Variants in CACNA2D4 observed in about 807,000 individuals in gnomAD.
CACNA2D4 encodes the protein calcium voltage-gated channel auxiliary subunit alpha2delta 4.
Under a neutral mutation model 163.8 loss-of-function variants are expected in CACNA2D4, and 157 were observed. The observed-to-expected ratio is 0.96, with a 90% CI of 0.84 to 1.09. The LOEUF (loss-of-function observed/expected upper bound fraction) is 1.09. CACNA2D4 is among the 50% of genes least tolerant of loss of function. The pLI, the probability that CACNA2D4 is intolerant of heterozygous loss-of-function variation, is 0.00. For missense variants in CACNA2D4, 1,410 were observed against 1,479.9 expected, an observed-to-expected ratio of 0.95 and a Z score of 0.78; for synonymous variants, 598 against 586.9, an observed-to-expected ratio of 1.02 and a Z score of -0.27.
chr12:1,859,290 T>C (rs1865472197), intron 19 of CACNA2D4, among the ~76,000 whole-genome samples: 2 of 151,246 alleles, frequency 1.3e-5, no homozygotes, highest in Admixed American at 1.3e-4. Context: ...GCCCGGGAGG[T>C]GGAGGCTGTA....
chr12:1,889,087 T>C (rs990237871), intron 6 of CACNA2D4, among the ~76,000 whole-genome samples: 1 of 152,310 alleles, frequency 6.6e-6, no homozygotes. Context: ...TTTTAAGATG[T>C]TGAGAGAATA....
intron 19 of CACNA2D4, among the ~76,000 whole-genome samples, chr12:1,859,164 C>A (rs903185166): frequency 2.4e-4 from 37 of 152,148 alleles, no homozygotes; most frequent in Non-Finnish European, 4.4e-5. Flanking sequence ...GCCTGGGCAA[C>A]ACAGCGAGAC....
intron 31 of CACNA2D4, 135 bp from the exon 32 acceptor site, chr12:1,800,573 A>T: frequency 1.2e-6 from 1 of 830,822 alleles, no homozygotes; most frequent in East Asian, 2.7e-5. Flanking sequence ...AGCAGAGCAC[A>T]GGCCAGCAGC....
chr12:1,898,901 A>G (rs2154450799), intron 6 of CACNA2D4, among the ~76,000 whole-genome samples: 1 of 152,300 alleles, frequency 6.6e-6, no homozygotes, highest in East Asian at 1.9e-4. Flanking sequence ...AGATTGGCAT[A>G]GAATGAGGGT....
chr12:1,818,262 G>C (rs1250446118), intron 26 of CACNA2D4, among the ~76,000 whole-genome samples: 2 of 151,846 alleles, frequency 1.3e-5, no homozygotes, highest in African/African-American at 4.9e-5. Flanking sequence ...CACCCAGTCT[G>C]GGAGGTGTGC....
At position 1,805,041 on chromosome 12, in the gene CACNA2D4, C is replaced by T. The variant is rs531785826; in HGVS notation, c.2722-3397G>A. On this transcript the variant is annotated intron_variant, in intron 29 of 37. Coordinates refer to ENST00000382722, the MANE Select transcript of CACNA2D4 (RefSeq NM_172364.5). ...CCTTGTCGATTTAGGAGCCCCAGACCGCCCGTGGAGTGGCACCCAAAGCAT... is the reference window on the plus strand; with the variant it reads ...CCTTGTCGATTTAGGAGCCCCAGACTGCCCGTGGAGTGGCACCCAAAGCAT... Among the ~76,000 whole-genome samples the T allele has an allele frequency of 4.8e-4, 73 of 152,312 alleles. 1 individual carries two copies. Among genetic ancestry groups the T allele is most frequent in the Admixed American group, 3.7e-3 (56 of 15,298 alleles).
chr12:1,834,300 C>A lies in CACNA2D4; in HGVS notation c.2551+6439G>T, dbSNP rs771015261. 1 of 1,601,886 alleles carries A rather than the reference C, an allele frequency of 6.2e-7. No individual in the cohort carries two copies. The highest frequency in any genetic ancestry group is 1.7e-5 in the Admixed American group (1 of 59,338). ...TTGGACCAGCTTGCCTGCACCCTGC[C>A]CAAGGAGCTGAGGGGGAAGGACATG... On this transcript the variant is annotated intron_variant, in intron 26 of 37. Coordinates refer to ENST00000382722, the MANE Select transcript of CACNA2D4 (RefSeq NM_172364.5). The surrounding 1 kb of genome is among the most constrained non-coding windows in gnomAD (Gnocchi z 7.6).
Position 1,840,780 on chromosome 12 carries a change from G to A in CACNA2D4, c.2510C>T (p.Ala837Val), listed in dbSNP as rs771066603. 2 of 1,613,946 alleles carry A rather than the reference G, an allele frequency of 1.2e-6. No homozygotes were observed. The highest frequency in any genetic ancestry group is 4.5e-5 in the East Asian group (2 of 44,888). ...CCTCTTGTCCACGGTCACCGCCACA[G>A]CTGTGCTTGCCGTCACCACCATGGG... ...GEPMVVTAST[A>V]VAVTVDKRTA... Residue 837 changes from alanine to valine, a missense_variant, in exon 26 of 38, where the codon GCT (alanine) becomes GTT (valine). Coordinates refer to ENST00000382722, the MANE Select transcript of CACNA2D4 (RefSeq NM_172364.5).
chr12:1,914,791 G>T (rs1029304971), intron 2 of CACNA2D4, 63 bp downstream of exon 2: 39 of 1,115,974 alleles, frequency 3.5e-5, no homozygotes, highest in Admixed American at 1.2e-4. Flanking sequence ...ACCGGCATTT[G>T]GGGGCTTCGA....
chr12:1,908,128 G>C (rs981866923), intron 4 of CACNA2D4, 91 bp from the exon 5 acceptor site: 17 of 1,343,808 alleles, frequency 1.3e-5, no homozygotes, highest in Non-Finnish European at 1.7e-5. Flanking sequence ...GAGAGGACGA[G>C]AGGGCCGGGG....
rs1863533125 is a variant in CACNA2D4, at chr12:1,806,212, A to T, written c.2721+4066T>A. On this transcript the variant is annotated intron_variant, in intron 29 of 37. Coordinates refer to ENST00000382722, the MANE Select transcript of CACNA2D4 (RefSeq NM_172364.5). The surrounding 1 kb of genome is among the most constrained non-coding windows in gnomAD (Gnocchi z 4.1). The stretch of plus-strand genomic sequence containing the variant: ...AATCGGAGTCCCCAGATTCAGGGTG[A>T]CAGATCCACTATAAATATTACAAAG... 6.6e-6 allele frequency among the ~76,000 whole-genome samples: 1 copy of T among 152,182 alleles called. No individual in the cohort carries two copies. Among genetic ancestry groups the T allele is most frequent in the Non-Finnish European group, 1.5e-5 (1 of 68,024 alleles).
chr12:1,900,309 A>T (rs1033360670), intron 6 of CACNA2D4, among the ~76,000 whole-genome samples: 1 of 152,094 alleles, frequency 6.6e-6, no homozygotes, highest in Admixed American at 6.6e-5. Flanking sequence ...TTTTTAAAAA[A>T]TTTTTGGTGG....
chr12:1,891,297 C>A (rs1335002435), intron 6 of CACNA2D4, among the ~76,000 whole-genome samples: 1 of 152,226 alleles, frequency 6.6e-6, no homozygotes, highest in Non-Finnish European at 1.5e-5. Flanking sequence ...CCCTAAGCCA[C>A]TGAGGAAATC....
At chr12:1,815,172 G>C (rs536652102) in intron 26 of CACNA2D4, among the ~76,000 whole-genome samples, 2 of 152,206 alleles carry the variant, frequency 1.3e-5, no homozygotes, top group South Asian at 4.1e-4. Flanking sequence ...GACTACAGGC[G>C]TGAGTCATTA....
intron 3 of CACNA2D4, among the ~76,000 whole-genome samples, chr12:1,911,512 C>T (rs1185126109): frequency 6.6e-6 from 1 of 152,084 alleles, no homozygotes; most frequent in Non-Finnish European, 1.5e-5. Context: ...TCCCCACTCT[C>T]AGCCTACAGA....
Position 1,798,068 on chromosome 12 carries a change from C to CA in CACNA2D4, c.2996-534dup, listed in dbSNP as rs1241140467. On this transcript the variant is annotated intron_variant, in intron 34 of 37. Coordinates refer to ENST00000382722, the MANE Select transcript of CACNA2D4 (RefSeq NM_172364.5). This position sits in a 1 kb window ranked among gnomAD's most constrained non-coding sequence, Gnocchi z 4.3. Reference sequence around the variant, plus strand: ...TGGGGGCAGCCGGGCAGGTGGGCTCCAGGCCTGGGGCTGCGGAAGCCCAGA... The same window carrying CA: ...TGGGGGCAGCCGGGCAGGTGGGCTCCAAGGCCTGGGGCTGCGGAAGCCCAGA... Among the ~76,000 whole-genome samples the CA allele has an allele frequency of 6.6e-6, 1 of 152,346 alleles. No homozygotes were observed. Among genetic ancestry groups the CA allele is most frequent in the African/African-American group, 2.4e-5 (1 of 41,586 alleles).
rs1863710361 is a variant in CACNA2D4, at chr12:1,811,553, T to C, written c.2613+109A>G. 4.3e-6 allele frequency: 5 copies of C among 1,150,534 alleles called. No homozygotes were observed. In the African/African-American group the frequency reaches 7.7e-5, roughly 18 times the overall value. The allele number at this position is 1,150,534 out of a possible 1,614,324, so 71.3% of individuals were successfully genotyped here. A position where few individuals can be genotyped will look rare whatever the true frequency, so the allele number is the denominator to read the frequency against. The stretch of plus-strand genomic sequence containing the variant: ...GAGAAGTGTAGGGGCCGGGAGGGCA[T>C]CCTGAGAGCCTCAAGGCAGTGGAGC... On this transcript the variant is annotated intron_variant, in intron 27 of 37. Coordinates refer to ENST00000382722, the MANE Select transcript of CACNA2D4 (RefSeq NM_172364.5).
chr12:1,823,299 A>G (rs138799312), intron 26 of CACNA2D4: 1 of 152,482 alleles, frequency 6.6e-6, no homozygotes, highest in African/African-American at 2.4e-5. Flanking sequence ...GGAGGTTTCT[A>G]GCTAGAGTCT....
At chr12:1,794,091 G>C (rs1305536718) in intron 37 of CACNA2D4, among the ~76,000 whole-genome samples, 1 of 152,152 alleles carries the variant, frequency 6.6e-6, no homozygotes, top group Non-Finnish European at 1.5e-5. Flanking sequence ...ACCCGGCTCA[G>C]GGCCTGACAC....
Sources: gnomAD v4.1 joint callset for allele counts (sites outside exome capture counted in the v4.1 genomes callset) on GRCh38, gnomAD v4.1.1 for gene constraint, Gnocchi (gnomAD v3.1) non-coding constraint, MANE v1.5 for transcripts, NCBI Gene and HGNC (gene_info 2026-07-23, HGNC 2026-07-21) for gene names.